Variants in AMMECR1 observed in about 807,000 individuals in gnomAD.
AMMECR1 encodes nuclear protein AMMECR1.
In AMMECR1, 3 loss-of-function variants were observed where a neutral mutation model predicts 22.5. That is an observed-to-expected ratio of 0.13 (90% CI 0.06 to 0.35). AMMECR1 has a LOEUF of 0.35. Ranked by LOEUF, AMMECR1 falls within the 10% of genes least tolerant of loss-of-function variation. AMMECR1 has a pLI of 1.00. For missense variants in AMMECR1, 235 were observed against 278.7 expected (o/e 0.84, Z 1.12); for synonymous variants, 130 against 116.7 (o/e 1.11, Z -0.74).
At chrX:110,230,930 C>A (rs1471209597) in intron 2 of AMMECR1, among the ~76,000 whole-genome samples, 1 of 111,686 alleles carries the variant, frequency 9.0e-6, no homozygotes, top group African/African-American at 3.3e-5. Flanking sequence ...GAAAGGGTAT[C>A]AGTGATTGAA....
At chrX:110,240,730 T>C (rs1311972853) in intron 2 of AMMECR1, among the ~76,000 whole-genome samples, 6 of 112,023 alleles carry the variant, frequency 5.4e-5, no homozygotes, top group African/African-American at 1.6e-4. Context: ...CGGAACCTAA[T>C]AGACATCTAC....
Position 110,346,664 on chromosome X carries a change from T to G in AMMECR1, c.-147-28815A>C, listed in dbSNP as rs781489705. ...TCTCTCTTGAATATTCACTGGATCA[T>G]AAGAAGTGGTTTGGGAAACCTTTGA... On this transcript the variant is annotated intron_variant, in intron 2 of 7. Transcript: ENST00000372057. 79 of 588,148 alleles carry G rather than the reference T, an allele frequency of 1.3e-4. 1 individual carries two copies. Among genetic ancestry groups the G allele is most frequent in the South Asian group, 1.3e-3 (59 of 44,259 alleles). 48.5% of individuals were successfully genotyped at this position (588,148 alleles called of 1,213,427 possible). A position where few individuals can be genotyped will look rare whatever the true frequency, so the allele number is the denominator to read the frequency against.
intron 2 of AMMECR1, among the ~76,000 whole-genome samples, chrX:110,398,789 T>C (rs181699797): frequency 6.0e-4 from 68 of 112,502 alleles, no homozygotes; most frequent in African/African-American, 2.1e-3. Context: ...CTTCCATAGA[T>C]CCATAGTATG....
intron 2 of AMMECR1, among the ~76,000 whole-genome samples, chrX:110,255,364 C>T (rs2067705592): frequency 9.0e-6 from 1 of 111,554 alleles, no homozygotes; most frequent in Non-Finnish European, 1.9e-5. Flanking sequence ...CAAGTCTAAC[C>T]AGCAGTGTAC....
At chrX:110,406,114 GTTT>G (rs201895781) in intron 2 of AMMECR1, among the ~76,000 whole-genome samples, 1 of 103,876 alleles carries the variant, frequency 9.6e-6, no homozygotes, top group East Asian at 2.9e-4. Flanking sequence ...CTGGAAAGTG[GTTT>G]TTTTTTTTTC....
intron 2 of AMMECR1, among the ~76,000 whole-genome samples, chrX:110,365,116 A>T (rs1206866217): frequency 8.9e-6 from 1 of 111,808 alleles, no homozygotes; most frequent in East Asian, 2.8e-4. Flanking sequence ...ATTCCCAGGG[A>T]TGTCTTTCTC....
At chrX:110,420,167 C>T (rs1322059547) in intron 2 of AMMECR1, among the ~76,000 whole-genome samples, 1 of 111,898 alleles carries the variant, frequency 8.9e-6, no homozygotes, top group Non-Finnish European at 1.9e-5. Flanking sequence ...GATTCTACTA[C>T]AGCACTGGCC....
intron 2 of AMMECR1, among the ~76,000 whole-genome samples, chrX:110,222,458 A>G (rs1305790379): frequency 3.3e-5 from 2 of 60,718 alleles, no homozygotes; most frequent in Non-Finnish European, 5.9e-5. Context: ...GGGTCGGGGG[A>G]GGGGGGAGGG....
intron 1 of AMMECR1, among the ~76,000 whole-genome samples, chrX:110,433,180 C>T (rs1002336207): frequency 4.4e-5 from 5 of 112,422 alleles, no homozygotes; most frequent in Non-Finnish European, 7.5e-5. Context: ...ACCCTCAAGC[C>T]GAGCCTGACG....
intron 1 of AMMECR1, among the ~76,000 whole-genome samples, chrX:110,430,203 G>A (rs1257149832): frequency 1.8e-5 from 2 of 112,823 alleles, no homozygotes; most frequent in African/African-American, 6.4e-5. Flanking sequence ...TTTGCTGATT[G>A]AGTGGATGAA....
intron 2 of AMMECR1, among the ~76,000 whole-genome samples, chrX:110,248,867 T>C (rs757743267): frequency 3.6e-5 from 4 of 112,257 alleles, no homozygotes; most frequent in Non-Finnish European, 7.5e-5. Flanking sequence ...ATCTAAGGGC[T>C]AAACTAGTAT....
At chrX:110,231,180 G>A (rs890093018) in intron 2 of AMMECR1, among the ~76,000 whole-genome samples, 2 of 110,678 alleles carry the variant, frequency 1.8e-5, no homozygotes, top group African/African-American at 6.6e-5. Context: ...TACAGAGAAC[G>A]CCACAAAGAT....
intron 2 of AMMECR1, among the ~76,000 whole-genome samples, chrX:110,411,365 A>G (rs1482272925): frequency 2.7e-5 from 3 of 111,899 alleles, no homozygotes; most frequent in Non-Finnish European, 5.6e-5. Flanking sequence ...GGGGAAAAGG[A>G]TGCACCATTT....
intron 3 of AMMECR1, among the ~76,000 whole-genome samples, chrX:110,213,281 A>G (rs773613391): frequency 9.0e-6 from 1 of 111,527 alleles, no homozygotes; most frequent in South Asian, 3.8e-4. Flanking sequence ...CCCTCCCCCT[A>G]GCCCCTAGCA....
chrX:110,239,144 C>T lies in AMMECR1; in HGVS notation c.585-22512G>A, dbSNP rs181860076. 5.1e-3 allele frequency among the ~76,000 whole-genome samples: 574 copies of T among 111,491 alleles called. 3 individuals are homozygous for T. Among genetic ancestry groups the T allele is most frequent in the Middle Eastern group, 0.023 (5 of 217 alleles). On this transcript the variant is annotated intron_variant, in intron 2 of 5. Coordinates refer to ENST00000262844, the MANE Select transcript of AMMECR1 (RefSeq NM_015365.3). ...TCCAAAAACCAGAACGCCTCTTCTC[C>T]TCCAAAGGATCACAACTCCTCGCCA...
chrX:110,312,976 C>A (rs1338522492), intron 1 of AMMECR1, among the ~76,000 whole-genome samples: 2 of 112,393 alleles, frequency 1.8e-5, no homozygotes, highest in East Asian at 2.8e-4. Flanking sequence ...TCTGGTCAAT[C>A]TTCATCAGAA....
intron 4 of AMMECR1, 102 bp downstream of exon 4, chrX:110,202,344 C>A: frequency 1.7e-6 from 1 of 604,206 alleles, no homozygotes; most frequent in South Asian, 3.1e-5. Flanking sequence ...TAATTTGACA[C>A]TTCAATTATT....
intron 2 of AMMECR1, among the ~76,000 whole-genome samples, chrX:110,407,623 C>T (rs1348392263): frequency 8.9e-6 from 1 of 111,971 alleles, no homozygotes; most frequent in Non-Finnish European, 1.9e-5. Context: ...ATGAGATAGA[C>T]CCTGGACTTG....
At chrX:110,201,298 G>A (rs890804673) in intron 4 of AMMECR1, among the ~76,000 whole-genome samples, 2 of 111,733 alleles carry the variant, frequency 1.8e-5, no homozygotes, top group African/African-American at 3.3e-5. Flanking sequence ...CTTCGCATTC[G>A]AAGTCAAGGG....
Sources: allele counts gnomAD v4.1 joint callset (sites outside exome capture counted in the v4.1 genomes callset), GRCh38; gene constraint gnomAD v4.1.1; transcripts MANE v1.5; gene names NCBI Gene and HGNC (gene_info 2026-07-23, HGNC 2026-07-21).